SPEN: variants seen among roughly 807,000 people sequenced by gnomAD.
SPEN encodes the protein spen family transcriptional repressor, also known as msx2-interacting protein.
In SPEN, 18 loss-of-function variants were observed where a neutral mutation model predicts 269.9. That is an observed-to-expected ratio of 0.07 (90% CI 0.05 to 0.10). The LOEUF (loss-of-function observed/expected upper bound fraction) is 0.10. SPEN is among the 10% of genes least tolerant of loss of function. The probability of loss-of-function intolerance (pLI) is 1.00; values close to 1 mark genes in which losing one functional copy is unlikely to be tolerated. For synonymous variants in SPEN, 1,726 were observed against 1,765.7 expected (o/e 0.98, Z 0.56); for missense variants, 3,822 against 4,631.2 (o/e 0.83, Z 5.07).
Position 15,928,067 on chromosome 1 carries a change from AAT to A in SPEN, c.1851-21_1851-20del. The A allele has an allele frequency of 6.4e-7, 1 of 1,563,394 alleles. No individual in the cohort carries two copies. Among genetic ancestry groups the A allele is most frequent in the Non-Finnish European group, 8.7e-7 (1 of 1,151,108 alleles). On this transcript the variant is annotated intron_variant, in intron 10 of 14. Coordinates refer to ENST00000375759, the MANE Select transcript of SPEN (RefSeq NM_015001.3). This position sits in a 1 kb window ranked among gnomAD's most constrained non-coding sequence, Gnocchi z 5.7. ...TAAGTGATGAGGAAACAAAAGAACT[AAT>A]ATCTTTGTTATTTTTTGGCAGAGAG...
Position 15,933,918 on chromosome 1 carries a change from G to A in SPEN, c.7678G>A (p.Glu2560Lys). 1 of 1,614,086 alleles carries A rather than the reference G, an allele frequency of 6.2e-7. No individual in the cohort carries two copies. Among genetic ancestry groups the A allele is most frequent in the Non-Finnish European group, 8.5e-7 (1 of 1,180,034 alleles). Reference sequence around the variant, plus strand: ...CACAAGTGTCACCACAGCCATTGCAGAGCCTGTCAGTGCTGCCCCTTGCCT... The same window carrying A: ...CACAAGTGTCACCACAGCCATTGCAAAGCCTGTCAGTGCTGCCCCTTGCCT... ...TSTSVTTAIA[E>K]PVSAAPCLHE... Residue 2560 changes from glutamate to lysine, a missense_variant, in exon 11 of 15, where the codon GAG (glutamate) becomes AAG (lysine). Physicochemically the swap from Glu to Lys is moderately conservative, Grantham distance 56. Transcript: ENST00000375759. This position sits in a 1 kb window ranked among gnomAD's most constrained non-coding sequence, Gnocchi z 5.7.
chr1:15,899,459 C>T (rs1402324693), intron 3 of SPEN, among the ~76,000 whole-genome samples: 3 of 150,702 alleles, frequency 2.0e-5, no homozygotes, highest in East Asian at 2.0e-4. Flanking sequence ...GGATTACAGG[C>T]GTGAGCCACT....
At chr1:15,898,456 A>G (rs1022407082) in intron 3 of SPEN, among the ~76,000 whole-genome samples, 1 of 151,928 alleles carries the variant, frequency 6.6e-6, no homozygotes, top group African/African-American at 2.4e-5. Flanking sequence ...AAATGGAATC[A>G]TACAATCTTT....
At chr1:15,906,933 C>A (rs1367207753) in intron 3 of SPEN, among the ~76,000 whole-genome samples, 1 of 151,744 alleles carries the variant, frequency 6.6e-6, no homozygotes, top group Non-Finnish European at 1.5e-5. Context: ...GCCACCATGC[C>A]CAGCTAATTT....
chr1:15,867,841 A>G (rs906448760), intron 1 of SPEN, among the ~76,000 whole-genome samples: 15 of 150,706 alleles, frequency 1.0e-4, no homozygotes. Context: ...CCATTTATGT[A>G]TCTCTCTCTG....
Position 15,931,551 on chromosome 1 carries a change from G to A in SPEN, c.5311G>A (p.Glu1771Lys). ...AGCTCAGAAGTCTGAGGAAGCCAAT[G>A]AGCCAAAGGCCGAAAAGCCAGACGC... ...KPAQKSEEANEPKAEKPDATA... is the reference protein window; with the variant it reads ...KPAQKSEEANKPKAEKPDATA... Residue 1771 changes from glutamate (E) to lysine (K), a missense_variant, in exon 11 of 15, where the codon GAG becomes AAG. Transcript: ENST00000375759. The surrounding 1 kb of genome is among the most constrained non-coding windows in gnomAD (Gnocchi z 4.8). 6.2e-7 allele frequency: 1 copy of A among 1,614,184 alleles called. No homozygotes were observed. The highest frequency in any genetic ancestry group is 8.5e-7 in the Non-Finnish European group (1 of 1,180,024).
At position 15,931,715 on chromosome 1, in the gene SPEN, G is replaced by C. The variant is rs1405242488; in HGVS notation, c.5475G>C (p.Lys1825Asn). Residue 1825 changes from lysine to asparagine, a missense_variant, in exon 11 of 15, where the codon AAG (lysine) becomes AAC (asparagine). Physicochemically the swap from Lys to Asn is moderately conservative, Grantham distance 94. This residue lies in a region of SPEN where 533 missense variants were observed against 618.8 expected (regional missense o/e 0.86). Transcript: ENST00000375759. The surrounding 1 kb of genome is among the most constrained non-coding windows in gnomAD (Gnocchi z 4.8). ...AGCCAAACAAAAGCAAGCGTTCAAA[G>C]ACCCCTGTTCAGGCAGCTGCAGTGA... ...DKKPNKSKRS[K>N]TPVQAAAVSI... The C allele has an allele frequency of 6.2e-7, 1 of 1,614,174 alleles. No individual in the cohort carries two copies. The highest frequency in any genetic ancestry group is 8.5e-7 in the Non-Finnish European group (1 of 1,180,032).
chr1:15,876,462 A>T lies in SPEN; in HGVS notation c.665A>T (p.Asp222Val). 1 of 1,614,048 alleles carries T rather than the reference A, an allele frequency of 6.2e-7. No homozygotes were observed. Among genetic ancestry groups the T allele is most frequent in the Non-Finnish European group, 8.5e-7 (1 of 1,179,998 alleles). ...PSVVHRDIYR[D>V]DITREVRGRR... is the part of the protein sequence containing the mutation. Reference sequence around the variant, plus strand: ...GTGGTACACAGGGATATCTACAGGGATGATATTACCCGGGAGGTACGAGGC... The same window carrying T: ...GTGGTACACAGGGATATCTACAGGGTTGATATTACCCGGGAGGTACGAGGC... The change falls in exon 3 of 15, where the codon GAT (aspartate) becomes GTT (valine). Residue 222 changes from aspartate (D) to valine (V), a missense_variant. Transcript: ENST00000375759.
intron 1 of SPEN, among the ~76,000 whole-genome samples, chr1:15,850,723 A>C (rs1411399687): frequency 6.6e-6 from 1 of 152,214 alleles, no homozygotes; most frequent in Non-Finnish European, 1.5e-5. Context: ...ACTAGGAGTA[A>C]AAGTGAAATC....
intron 10 of SPEN, among the ~76,000 whole-genome samples, chr1:15,923,282 G>T (rs972715301): frequency 6.6e-6 from 1 of 152,142 alleles, no homozygotes; most frequent in African/African-American, 2.4e-5. Context: ...TGAACAGACC[G>T]AAATATAGTA....
At chr1:15,926,964 T>C (rs2071173468) in intron 10 of SPEN, among the ~76,000 whole-genome samples, 1 of 152,192 alleles carries the variant, frequency 6.6e-6, no homozygotes, top group South Asian at 2.1e-4. Flanking sequence ...AGTGCTGGGA[T>C]TACAGGCATG....
chr1:15,880,529 C>T (rs2070677216), intron 3 of SPEN, among the ~76,000 whole-genome samples: 1 of 145,682 alleles, frequency 6.9e-6, no homozygotes, highest in Non-Finnish European at 1.5e-5. Flanking sequence ...AATCTTGGCT[C>T]ACTGCAACCT....
rs375675403 is a variant in SPEN, at chr1:15,876,264, C to T, written c.467C>T (p.Thr156Met). ...GCCTATGGACACCATGAACGGGGGA[C>T]GGGAGGATTTGATCGGACAAGACAT... ...HSAYGHHERG[T>M]GGFDRTRHYD... Residue 156 changes from threonine (T) to methionine (M), a missense_variant, in exon 3 of 15, where the codon ACG (threonine) becomes ATG (methionine). This residue lies in a region of SPEN where 327 missense variants were observed against 350.8 expected (regional missense o/e 0.93). Transcript: ENST00000375759. 39 of 1,613,738 alleles carry T rather than the reference C, an allele frequency of 2.4e-5. No homozygotes were observed. Among genetic ancestry groups the T allele is most frequent in the South Asian group, 1.4e-4 (13 of 91,054 alleles).
intron 3 of SPEN, among the ~76,000 whole-genome samples, chr1:15,892,098 G>C (rs901507466): frequency 7.8e-6 from 1 of 128,840 alleles, no homozygotes; most frequent in African/African-American, 3.0e-5. Flanking sequence ...TTGGCTCACT[G>C]TAAGCTCCGC....
At chr1:15,917,762 T>G (rs1411764129) in intron 6 of SPEN, 1 of 153,564 alleles carries the variant, frequency 6.5e-6, no homozygotes, top group Non-Finnish European at 1.5e-5. Flanking sequence ...GTAACTTCTG[T>G]AGAAATCTGC....
chr1:15,920,548 T>C (rs1482273691), intron 8 of SPEN, among the ~76,000 whole-genome samples: 1 of 152,216 alleles, frequency 6.6e-6, no homozygotes, highest in Non-Finnish European at 1.5e-5. Flanking sequence ...TTTGCTTTTT[T>C]GTTTTGAGCC....
At chr1:15,869,192 G>A (rs2070548251) in intron 1 of SPEN, among the ~76,000 whole-genome samples, 1 of 152,092 alleles carries the variant, frequency 6.6e-6, no homozygotes, top group African/African-American at 2.4e-5. Flanking sequence ...GAGTGGCTGG[G>A]ACTGCAGGCG....
At position 15,936,184 on chromosome 1, in the gene SPEN, AC is replaced by A; in HGVS notation, c.9950del (p.Pro3317ArgfsTer83). On this transcript the variant is annotated frameshift_variant, in exon 11 of 15. Coordinates refer to ENST00000375759, the MANE Select transcript of SPEN (RefSeq NM_015001.3). LOFTEE classifies it high-confidence loss of function. ...EYRYGDIRTY[H>X]PPAQLTHTQF... is the part of the protein sequence containing the mutation. ...CGGTACGGCGACATCCGCACCTACC[AC>A]CCCCCGGCCCAGCTCACACACACTC... is the stretch of plus-strand genomic sequence containing the variant. 15 of 1,588,670 alleles carry A rather than the reference AC, an allele frequency of 9.4e-6. No homozygotes were observed. The highest frequency in any genetic ancestry group is 1.7e-4 in the Middle Eastern group (1 of 5,962).
At chr1:15,924,180 C>G (rs1227684615) in intron 10 of SPEN, among the ~76,000 whole-genome samples, 2 of 152,172 alleles carry the variant, frequency 1.3e-5, no homozygotes, top group African/African-American at 4.8e-5. Context: ...TATGTGGCCA[C>G]ATGCAGGAGA....
Sources: gnomAD v4.1 joint callset for allele counts (sites outside exome capture counted in the v4.1 genomes callset) on GRCh38, gnomAD v4.1.1 for gene constraint, gnomAD v4.1.1 regional missense constraint, Gnocchi (gnomAD v3.1) non-coding constraint, MANE v1.5 for transcripts, NCBI Gene and HGNC (gene_info 2026-07-23, HGNC 2026-07-21) for gene names.